The following BRINP1 variants were observed in gnomAD, a reference collection of about 807,000 sequenced individuals.
BRINP1 encodes BMP/retinoic acid inducible neural specific 1.
BRINP1 carries 17 observed loss-of-function variants against 72.9 expected under a neutral mutation model. The ratio of observed to expected loss-of-function variants is 0.23; its 90% CI spans 0.16 to 0.35. BRINP1 has a LOEUF of 0.35. Among genes scored for constraint, BRINP1 ranks in the 10% least tolerant of loss-of-function variants. The pLI is 1.00. For missense variants in BRINP1, 850 were observed against 1,001.6 expected (o/e 0.85, Z 2.04); for synonymous variants, 418 against 378.5 (o/e 1.10, Z -1.21).
Position 119,170,344 on chromosome 9 carries a change from C to G in BRINP1, c.1146-2120G>C, listed in dbSNP as rs929036931. The stretch of plus-strand genomic sequence containing the variant: ...AACTACGTGTAGAATGCAGAAGCCT[C>G]AGGAGCCGATGCGATCAACTGGAAG... On this transcript the variant is annotated intron_variant, in intron 7 of 7. Transcript: ENST00000265922. Among the ~76,000 whole-genome samples the G allele has an allele frequency of 2.5e-3, 382 of 151,716 alleles. 2 individuals carry two copies. The highest frequency in any genetic ancestry group is 0.01 in the Middle Eastern group (3 of 294).
intron 7 of BRINP1, among the ~76,000 whole-genome samples, chr9:119,206,875 A>G (rs951516588): frequency 1.3e-5 from 2 of 152,240 alleles, no homozygotes; most frequent in East Asian, 1.9e-4. Context: ...TGTGCTCGAC[A>G]AGAAAGTAAG....
At chr9:119,305,811 T>C (rs977995159) in intron 2 of BRINP1, among the ~76,000 whole-genome samples, 2 of 152,184 alleles carry the variant, frequency 1.3e-5, no homozygotes, top group African/African-American at 4.8e-5. Flanking sequence ...ATGAATTCCT[T>C]GAGGGAAGGG....
chr9:119,224,555 T>C (rs1400843032), intron 5 of BRINP1, among the ~76,000 whole-genome samples: 1 of 152,084 alleles, frequency 6.6e-6, no homozygotes, highest in Non-Finnish European at 1.5e-5. Context: ...TACTGTGTGG[T>C]AACGAATAAC....
intron 2 of BRINP1, among the ~76,000 whole-genome samples, chr9:119,306,993 T>C (rs1831003535): frequency 6.6e-6 from 1 of 151,484 alleles, no homozygotes; most frequent in Non-Finnish European, 1.5e-5. Flanking sequence ...CCCACCACTC[T>C]TTTTTTTTCT....
intron 7 of BRINP1, among the ~76,000 whole-genome samples, chr9:119,182,796 G>A (rs576763754): frequency 3.9e-5 from 6 of 152,226 alleles, no homozygotes; most frequent in Non-Finnish European, 8.8e-5. Flanking sequence ...AAGATAATAC[G>A]TAAACAACTA....
chr9:119,359,770 C>T (rs1306777964), intron 1 of BRINP1, among the ~76,000 whole-genome samples: 2 of 152,218 alleles, frequency 1.3e-5, no homozygotes, highest in African/African-American at 4.8e-5. Context: ...GGGCACAATA[C>T]TACCTATGCA....
intron 7 of BRINP1, among the ~76,000 whole-genome samples, chr9:119,188,376 A>C (rs946897565): frequency 1.3e-5 from 2 of 152,226 alleles, no homozygotes; most frequent in African/African-American, 4.8e-5. Flanking sequence ...TCAATCAAGA[A>C]TATTACACCT....
intron 5 of BRINP1, among the ~76,000 whole-genome samples, chr9:119,231,891 C>G (rs772033436): frequency 2.0e-5 from 3 of 151,964 alleles, no homozygotes; most frequent in Non-Finnish European, 2.9e-5. Context: ...TACCCTCTCT[C>G]CCAAAGTAAT....
At chr9:119,214,404 A>G (rs907186827) in intron 5 of BRINP1, among the ~76,000 whole-genome samples, 1 of 152,224 alleles carries the variant, frequency 6.6e-6, no homozygotes, top group Non-Finnish European at 1.5e-5. Flanking sequence ...CTATTCTGTT[A>G]TAGTAGGACT....
chr9:119,239,688 C>T (rs1359648413), intron 4 of BRINP1, among the ~76,000 whole-genome samples: 4 of 152,258 alleles, frequency 2.6e-5, no homozygotes, highest in South Asian at 2.1e-4. Flanking sequence ...TAAGCCTCAA[C>T]TTCCCCATCT....
chr9:119,333,421 C>A (rs1831319757), intron 1 of BRINP1, among the ~76,000 whole-genome samples: 1 of 148,538 alleles, frequency 6.7e-6, no homozygotes, highest in African/African-American at 2.5e-5. Flanking sequence ...CAAGATCGTG[C>A]CACTGCACTT....
intron 1 of BRINP1, among the ~76,000 whole-genome samples, chr9:119,352,404 T>A (rs1390767638): frequency 6.6e-6 from 1 of 152,190 alleles, no homozygotes; most frequent in Non-Finnish European, 1.5e-5. Context: ...CTCATTTCAT[T>A]TCATGATTCT....
At chr9:119,310,629 G>A (rs1389882297) in intron 2 of BRINP1, among the ~76,000 whole-genome samples, 4 of 152,158 alleles carry the variant, frequency 2.6e-5, no homozygotes, top group African/African-American at 9.7e-5. Flanking sequence ...TGGGGAGGAG[G>A]GAACTGGTGG....
chr9:119,267,382 C>A (rs114477348), intron 2 of BRINP1, among the ~76,000 whole-genome samples: 3,510 of 152,204 alleles, frequency 0.023, 110 homozygotes, highest in African/African-American at 0.078. Flanking sequence ...CACCTGAAAT[C>A]CCAGAACTCT....
At chr9:119,183,847 G>T (rs983068625) in intron 7 of BRINP1, among the ~76,000 whole-genome samples, 7 of 152,130 alleles carry the variant, frequency 4.6e-5, no homozygotes, top group Non-Finnish European at 1.0e-4. Context: ...GAGAAGGGAA[G>T]TAACTTCCTG....
At chr9:119,237,346 C>CATGATTATTATTATT (rs1554750154) in intron 5 of BRINP1, among the ~76,000 whole-genome samples, 4 of 145,044 alleles carry the variant, frequency 2.8e-5, no homozygotes, top group Admixed American at 2.7e-4. Context: ...TTTCTTGCTA[C>CATGATTATTATTATT]ATTATTATTA....
chr9:119,176,764 T>C (rs141157627), intron 7 of BRINP1, among the ~76,000 whole-genome samples: 31 of 152,318 alleles, frequency 2.0e-4, no homozygotes, highest in African/African-American at 7.0e-4. Context: ...TCTCGGGGAT[T>C]TCACTATCGC....
At chr9:119,172,389 G>C (rs867325750) in intron 7 of BRINP1, among the ~76,000 whole-genome samples, 2 of 152,180 alleles carry the variant, frequency 1.3e-5, no homozygotes, top group African/African-American at 2.4e-5. Flanking sequence ...AGAAGAAATG[G>C]ATAAATTCCT....
chr9:119,335,947 G>T (rs932509666), intron 1 of BRINP1, among the ~76,000 whole-genome samples: 1 of 152,126 alleles, frequency 6.6e-6, no homozygotes, highest in Admixed American at 6.5e-5. Context: ...CTAAGATTTC[G>T]TGCAGTCAGG....
Sources: allele counts gnomAD v4.1 joint callset (sites outside exome capture counted in the v4.1 genomes callset), GRCh38; gene constraint gnomAD v4.1.1; transcripts MANE v1.5; gene names NCBI Gene and HGNC (gene_info 2026-07-23, HGNC 2026-07-21).